Variants in FAM110A observed in about 807,000 individuals in gnomAD.
FAM110A encodes family with sequence similarity 110 member A, also known as protein FAM110A.
A neutral mutation model predicts 4.0 loss-of-function variants in FAM110A; 1 was observed. That is an observed-to-expected ratio of 0.25 (90% CI 0.09 to 1.20). The LOEUF (loss-of-function observed/expected upper bound fraction) is 1.20, where lower values mean the gene tolerates loss of function less well. FAM110A is among the 50% of genes most tolerant of loss of function. The pLI, the probability that FAM110A is intolerant of heterozygous loss-of-function variation, is 0.50. For missense variants in FAM110A, 436 were observed against 429.2 expected, an observed-to-expected ratio of 1.02 and a Z score of -0.14; for synonymous variants, 217 against 196.8, an observed-to-expected ratio of 1.10 and a Z score of -0.86.
At chr20:844,499 G>C (rs1398371369) in intron 1 of FAM110A, among the ~76,000 whole-genome samples, 1 of 151,806 alleles carries the variant, frequency 6.6e-6, no homozygotes, top group East Asian at 1.9e-4. Flanking sequence ...GTCTCAGCTG[G>C]GCCTGGTTCT....
Position 840,352 on chromosome 20 carries a change from C to A in FAM110A, c.-97-4356C>A, listed in dbSNP as rs923796490. On this transcript the variant is annotated intron_variant, in intron 1 of 1. Transcript: ENST00000381941. The surrounding 1 kb of genome is among the most constrained non-coding windows in gnomAD (Gnocchi z 4.4). ...GCCTGAGTGTGGCAGAGGGCTGGGG[C>A]TGAGGCCTGGGGGACAGCTCCTTCT... is the stretch of plus-strand genomic sequence containing the variant. Among the ~76,000 whole-genome samples, 1 of 152,206 alleles carries A rather than the reference C, an allele frequency of 6.6e-6. No individual in the cohort carries two copies. Among genetic ancestry groups the A allele is most frequent in the Non-Finnish European group, 1.5e-5 (1 of 68,022 alleles).
intron 1 of FAM110A, among the ~76,000 whole-genome samples, chr20:843,470 A>T (rs752034705): frequency 4.9e-4 from 75 of 152,186 alleles, no homozygotes; most frequent in Non-Finnish European, 6.9e-4. Context: ...TCAGGAACTG[A>T]ATTTTATGTT....
chr20:844,088 A>G (rs1433858342), intron 1 of FAM110A, among the ~76,000 whole-genome samples: 1 of 152,138 alleles, frequency 6.6e-6, no homozygotes, highest in East Asian at 1.9e-4. Context: ...TGGCATGTCT[A>G]GGCGGGTGGA....
chr20:839,576 G>T lies in FAM110A; in HGVS notation c.-97-5132G>T. The T allele has an allele frequency of 1.1e-5, 11 of 1,012,148 alleles. 1 individual carries two copies. The South Asian group carries it at 1.4e-4, about 13-fold the overall frequency. 62.7% of individuals were successfully genotyped at this position (1,012,148 alleles called of 1,614,324 possible). The stretch of plus-strand genomic sequence containing the variant: ...CAGAACACCGTCTGTAGGTATCTCT[G>T]TCAGCTTCCCGTCTTGTGAGTCTTG... On this transcript the variant is annotated intron_variant, in intron 1 of 1. Coordinates refer to ENST00000381941, the MANE Select transcript of FAM110A (RefSeq NM_001042353.3).
chr20:845,416 CTTT>C lies in FAM110A; in HGVS notation c.616_618del (p.Phe206del). On this transcript the variant is annotated inframe_deletion, in exon 2 of 2. Transcript: ENST00000381941. ...CTAGGGCAGCCGCTGATCTCGAGCG[CTTT>C]TTTAACTTCTGCGGCCTGGACCCGG... The C allele has an allele frequency of 6.2e-7, 1 of 1,613,786 alleles. No individual in the cohort carries two copies. Among genetic ancestry groups the C allele is most frequent in the Non-Finnish European group, 8.5e-7 (1 of 1,179,890 alleles).
chr20:841,605 C>T (rs1255348866), intron 1 of FAM110A, among the ~76,000 whole-genome samples: 1 of 152,178 alleles, frequency 6.6e-6, no homozygotes, highest in Non-Finnish European at 1.5e-5. Context: ...TTCCCCCCAG[C>T]CCTGCCCCGC....
At chr20:844,419 C>T (rs542576603) in intron 1 of FAM110A, among the ~76,000 whole-genome samples, 5 of 120,616 alleles carry the variant, frequency 4.1e-5, no homozygotes, top group African/African-American at 1.6e-4. Context: ...CGTGCCTTGC[C>T]CTGTCTTTTC....
chr20:841,833 C>A lies in FAM110A; in HGVS notation c.-97-2875C>A, dbSNP rs145209870. On this transcript the variant is annotated intron_variant, in intron 1 of 1. Transcript: ENST00000381941. The stretch of plus-strand genomic sequence containing the variant: ...TGGCTTCACCTGGCGGGAGCCGCTG[C>A]ACCTCCGTTTGCCCACCCGTGACGT... 7.0e-4 allele frequency among the ~76,000 whole-genome samples: 106 copies of A among 152,346 alleles called. 2 individuals carry two copies. In the East Asian group the frequency reaches 0.02, roughly 28 times the overall value.
chr20:845,070 G>A lies in FAM110A; in HGVS notation c.266G>A (p.Ser89Asn), dbSNP rs567300552. The A allele has an allele frequency of 1.3e-6, 2 of 1,595,558 alleles. No homozygotes were observed. The highest frequency in any genetic ancestry group is 2.3e-5 in the East Asian group (1 of 43,768). ...ACTCGCCGCACAGTGCTCACGCCCA[G>A]CCGCCGAGCCCTGCCTGGCCCCTGC... ...PETRRTVLTP[S>N]RRALPGPCRR... is the part of the protein sequence containing the mutation. The change falls in exon 2 of 2, where the codon AGC becomes AAC. Residue 89 changes from serine (S) to asparagine (N), a missense_variant. By Grantham distance (46) the Ser-to-Asn change is conservative. Transcript: ENST00000381941.
rs746787390 is a variant in FAM110A at position 844,825 on chromosome 20, C to T, written c.21C>T (p.Ser7=). Residue 7 remains serine (S), a synonymous_variant, in exon 2 of 2, where the codon AGC becomes AGT. Coordinates refer to ENST00000381941, the MANE Select transcript of FAM110A (RefSeq NM_001042353.3). ...CAGCCATGCCTGTGCACACGCTGAG[C>T]CCCGGAGCCCCGTCCGCCCCCGCCC... MPVHTL[S]PGAPSAPALP... 4.7e-6 allele frequency: 7 copies of T among 1,504,210 alleles called. No individual in the cohort carries two copies. The highest frequency in any genetic ancestry group is 2.8e-5 in the African/African-American group (2 of 71,664). The allele number at this position is 1,504,210 out of a possible 1,614,324, so 93.2% of individuals were successfully genotyped here.
rs1979851465 is a variant in FAM110A, at chr20:840,925, T to G, written c.-97-3783T>G. 6.6e-6 allele frequency among the ~76,000 whole-genome samples: 1 copy of G among 152,082 alleles called. No individual in the cohort carries two copies. The highest frequency in any genetic ancestry group is 2.4e-5 in the African/African-American group (1 of 41,410). On this transcript the variant is annotated intron_variant, in intron 1 of 1. Coordinates refer to ENST00000381941, the MANE Select transcript of FAM110A (RefSeq NM_001042353.3). The surrounding 1 kb of genome is among the most constrained non-coding windows in gnomAD (Gnocchi z 4.4). ...GTTACCCGATACCAAGAAAAACACT[T>G]TCCCGTGCCTGGCACAGTGAACATC... is the stretch of plus-strand genomic sequence containing the variant.
intron 1 of FAM110A, chr20:839,351 A>T (rs1979744425): frequency 2.0e-6 from 1 of 496,718 alleles, no homozygotes; most frequent in Non-Finnish European, 3.9e-6. Context: ...TGTAGAGCTT[A>T]GAACAGTGTC....
intron 1 of FAM110A, among the ~76,000 whole-genome samples, chr20:842,862 C>T (rs967982125): frequency 6.6e-6 from 1 of 152,122 alleles, no homozygotes; most frequent in Non-Finnish European, 1.5e-5. Context: ...CATCCCTGAT[C>T]ACCCAGTTCA....
chr20:844,818 C>T lies in FAM110A; in HGVS notation c.14C>T (p.Thr5Met), dbSNP rs1298544020. The T allele has an allele frequency of 2.0e-6, 3 of 1,496,666 alleles. No individual in the cohort carries two copies. The highest frequency in any genetic ancestry group is 2.7e-6 in the Non-Finnish European group (3 of 1,125,034). The allele number at this position is 1,496,666 out of a possible 1,614,324, so 92.7% of individuals were successfully genotyped here. Residue 5 changes from threonine (T) to methionine (M), a missense_variant, in exon 2 of 2, where the codon ACG becomes ATG. Physicochemically the swap from Thr to Met is moderately conservative, Grantham distance 81. Transcript: ENST00000381941. The stretch of plus-strand genomic sequence containing the variant: ...TATGCAGCAGCCATGCCTGTGCACA[C>T]GCTGAGCCCCGGAGCCCCGTCCGCC... MPVH[T>M]LSPGAPSAPA... is the part of the protein sequence containing the mutation.
In FAM110A at chr20:836,249, G is replaced by C. The variant is rs1166224875; in HGVS notation, c.-98+2298G>C. The stretch of plus-strand genomic sequence containing the variant: ...TGGCTCTAAATTTTACATTTTTTGG[G>C]GGGGGGGGTGGGGTGGGGCAGTGAA... On this transcript the variant is annotated intron_variant, in intron 1 of 1. Transcript: ENST00000381941. 6 of 132,510 alleles carry C rather than the reference G, an allele frequency of 4.5e-5. No homozygotes were observed. The East Asian group carries it at 8.4e-4, about 19-fold the overall frequency. The allele number at this position is 132,510 out of a possible 1,614,324, so 8.2% of individuals were successfully genotyped here.
Position 839,815 on chromosome 20 carries a change from G to C in FAM110A, c.-97-4893G>C, listed in dbSNP as rs369633884. ...GCAAACTGTTCCTTCACGCAGCCCC[G>C]GGACTTGAGAGACTGCATGGCCTTC... On this transcript the variant is annotated intron_variant, in intron 1 of 1. Coordinates refer to ENST00000381941, the MANE Select transcript of FAM110A (RefSeq NM_001042353.3). 2.0e-4 allele frequency: 324 copies of C among 1,589,812 alleles called. 7 individuals are homozygous for C. The highest frequency in any genetic ancestry group is 1.5e-3 in the South Asian group (138 of 90,542).
chr20:842,256 C>G (rs1979969075), intron 1 of FAM110A, among the ~76,000 whole-genome samples: 1 of 152,228 alleles, frequency 6.6e-6, no homozygotes, highest in Admixed American at 6.5e-5. Flanking sequence ...TCGCATCTGT[C>G]CCGGCCCCGC....
chr20:839,647 C>T, intron 1 of FAM110A: 2 of 1,184,106 alleles, frequency 1.7e-6, no homozygotes, highest in South Asian at 1.2e-5. Flanking sequence ...CTGCCAGTCT[C>T]TGGACGGCTG....
In FAM110A at chr20:845,631, G is replaced by T. The variant is rs760001857; in HGVS notation, c.827G>T (p.Arg276Leu). The change falls in exon 2 of 2, where the codon CGC becomes CTC. Residue 276 changes from arginine to leucine, a missense_variant. Transcript: ENST00000381941. ...GTGTCGGTGGTGGAGCGCAATGCCC[G>T]CGTGATCAAGTGGTTGTATGGGCTA... is the stretch of plus-strand genomic sequence containing the variant. ...YGVSVVERNA[R>L]VIKWLYGLRQ... is the part of the protein sequence containing the mutation. 2.5e-6 allele frequency: 4 copies of T among 1,614,104 alleles called. No homozygotes were observed. Among genetic ancestry groups the T allele is most frequent in the Non-Finnish European group, 2.5e-6 (3 of 1,180,038 alleles).
Sources: gnomAD v4.1 joint callset for allele counts (sites outside exome capture counted in the v4.1 genomes callset) on GRCh38, gnomAD v4.1.1 for gene constraint, Gnocchi (gnomAD v3.1) non-coding constraint, MANE v1.5 for transcripts, NCBI Gene and HGNC (gene_info 2026-07-23, HGNC 2026-07-21) for gene names.